NRG3: variants seen among roughly 807,000 people sequenced by gnomAD.
The protein encoded by NRG3 is neuregulin 3.
A neutral mutation model predicts 66.9 loss-of-function variants in NRG3; 31 were observed. That is an observed-to-expected ratio of 0.46 (90% CI 0.35 to 0.63). The LOEUF is 0.63. Among genes scored for constraint, NRG3 ranks in the 20% least tolerant of loss-of-function variants. The pLI, the probability that NRG3 is intolerant of heterozygous loss-of-function variation, is 0.00. For missense variants in NRG3, 910 were observed against 878.9 expected, an observed-to-expected ratio of 1.04 and a Z score of -0.45; for synonymous variants, 393 against 359.4, an observed-to-expected ratio of 1.09 and a Z score of -1.06.
At chr10:82,096,774 G>A (rs543673314) in intron 1 of NRG3, among the ~76,000 whole-genome samples, 2 of 152,210 alleles carry the variant, frequency 1.3e-5, no homozygotes, top group African/African-American at 4.8e-5. Context: ...GAGAAAAGAT[G>A]ATAGTTTTTC....
rs1351683889 is a variant in NRG3, at chr10:81,875,776, G to A, written c.436G>A (p.Ala146Thr). Residue 146 changes from alanine to threonine, a missense_variant, in exon 1 of 9, where the codon GCC becomes ACC. Physicochemically the swap from Ala to Thr is moderately conservative, Grantham distance 58. Coordinates refer to ENST00000372141, the MANE Select transcript of NRG3 (RefSeq NM_001010848.4). The surrounding 1 kb of genome is among the most constrained non-coding windows in gnomAD (Gnocchi z 5.3). ...CGCCACCCCCTCCGCCGGGGGTGCC[G>A]CCTCCTCCAGGACGCCCAACCGGAT... ...SPATPSAGGA[A>T]SSRTPNRIST... 6 of 1,611,016 alleles carry A rather than the reference G, an allele frequency of 3.7e-6. No homozygotes were observed.
chr10:82,754,592 C>T (rs886604881), intron 3 of NRG3, among the ~76,000 whole-genome samples: 2 of 150,008 alleles, frequency 1.3e-5, no homozygotes, highest in African/African-American at 2.4e-5. Flanking sequence ...GGCAACCCAA[C>T]TAACTCTCTT....
chr10:81,984,938 T>C (rs917666678), intron 1 of NRG3, among the ~76,000 whole-genome samples: 14 of 152,304 alleles, frequency 9.2e-5, no homozygotes, highest in East Asian at 5.8e-4. Flanking sequence ...TTTCAAAATA[T>C]GTTTTTCATA....
chr10:82,451,373 C>T (rs1402945846), intron 2 of NRG3, among the ~76,000 whole-genome samples: 1 of 152,066 alleles, frequency 6.6e-6, no homozygotes, highest in Non-Finnish European at 1.5e-5. Flanking sequence ...GCCTCCAGTA[C>T]AATTGATTTG....
intron 1 of NRG3, among the ~76,000 whole-genome samples, chr10:82,117,638 C>G (rs532491238): frequency 6.6e-6 from 1 of 152,048 alleles, no homozygotes; most frequent in Middle Eastern, 3.4e-3. Flanking sequence ...GAGACCCCAC[C>G]CTTTTTACCT....
chr10:82,209,389 A>G (rs2075287524), intron 1 of NRG3, among the ~76,000 whole-genome samples: 1 of 152,222 alleles, frequency 6.6e-6, no homozygotes, highest in African/African-American at 2.4e-5. Flanking sequence ...ATTTAAAGAG[A>G]CATATCTTGT....
chr10:82,284,458 G>T (rs1370935310), intron 1 of NRG3, among the ~76,000 whole-genome samples: 1 of 152,180 alleles, frequency 6.6e-6, no homozygotes, highest in Non-Finnish European at 1.5e-5. Flanking sequence ...TGGACTATCT[G>T]TCTATTTTTC....
chr10:82,739,044 T>C (rs1278865890), intron 3 of NRG3, among the ~76,000 whole-genome samples: 2 of 152,238 alleles, frequency 1.3e-5, no homozygotes, highest in African/African-American at 4.8e-5. Context: ...TGGTTGTTAA[T>C]TTATGATAGT....
chr10:82,037,641 A>C (rs1188585413), intron 1 of NRG3, among the ~76,000 whole-genome samples: 1 of 152,092 alleles, frequency 6.6e-6, no homozygotes, highest in Non-Finnish European at 1.5e-5. Context: ...GAATGAGCAC[A>C]GTACTAGAAG....
intron 1 of NRG3, among the ~76,000 whole-genome samples, chr10:82,271,699 G>A (rs1414753): frequency 0.27 from 40,914 of 151,888 alleles, 5,638 homozygotes; most frequent in Admixed American, 0.29. Context: ...TGCTGTGAAG[G>A]TAGAGTTTTG....
intron 4 of NRG3, among the ~76,000 whole-genome samples, chr10:82,910,781 T>G (rs1362754443): frequency 6.6e-6 from 1 of 152,228 alleles, no homozygotes; most frequent in Non-Finnish European, 1.5e-5. Flanking sequence ...TAAAAACACT[T>G]TATTGAGCAG....
chr10:82,628,667 C>A (rs2049595887), intron 2 of NRG3, among the ~76,000 whole-genome samples: 1 of 151,792 alleles, frequency 6.6e-6, no homozygotes, highest in Non-Finnish European at 1.5e-5. Context: ...TTGTTGAATT[C>A]CAGGCACACT....
At chr10:82,573,406 T>C (rs543227751) in intron 2 of NRG3, among the ~76,000 whole-genome samples, 5 of 151,982 alleles carry the variant, frequency 3.3e-5, no homozygotes, top group South Asian at 2.1e-4. Context: ...ATATCAAATT[T>C]GCAGAAGAGA....
intron 2 of NRG3, among the ~76,000 whole-genome samples, chr10:82,579,924 A>ACAGT (rs2046257036): frequency 6.6e-6 from 1 of 151,984 alleles, no homozygotes; most frequent in Non-Finnish European, 1.5e-5. Context: ...GAATATCAAT[A>ACAGT]CAGTCACTCC....
At chr10:82,195,067 A>G (rs1160461765) in intron 1 of NRG3, among the ~76,000 whole-genome samples, 2 of 151,992 alleles carry the variant, frequency 1.3e-5, no homozygotes, top group African/African-American at 4.8e-5. Context: ...TCCTAGATGT[A>G]GGTGGAGCAA....
At chr10:82,489,022 G>C (rs890867843) in intron 2 of NRG3, among the ~76,000 whole-genome samples, 5 of 151,998 alleles carry the variant, frequency 3.3e-5, no homozygotes, top group Non-Finnish European at 5.9e-5. Context: ...TGCATACCAG[G>C]TGCTCTGCTA....
intron 2 of NRG3, among the ~76,000 whole-genome samples, chr10:82,656,962 C>T (rs989868786): frequency 1.3e-5 from 2 of 152,090 alleles, no homozygotes; most frequent in Non-Finnish European, 2.9e-5. Flanking sequence ...CCCCTCATCA[C>T]GCTGGCCTCC....
At chr10:81,918,482 A>T (rs1162980099) in intron 1 of NRG3, among the ~76,000 whole-genome samples, 1 of 152,200 alleles carries the variant, frequency 6.6e-6, no homozygotes, top group Non-Finnish European at 1.5e-5. Flanking sequence ...TACAAAAGAA[A>T]TACAAGGCCA....
intron 1 of NRG3, among the ~76,000 whole-genome samples, chr10:82,316,178 C>CT (rs2081286185): frequency 6.6e-6 from 1 of 152,058 alleles, no homozygotes; most frequent in Non-Finnish European, 1.5e-5. Context: ...TGCATTTTTA[C>CT]TTTGAAGAAG....
Sources: gnomAD v4.1 joint callset for allele counts (sites outside exome capture counted in the v4.1 genomes callset) on GRCh38, gnomAD v4.1.1 for gene constraint, Gnocchi (gnomAD v3.1) non-coding constraint, MANE v1.5 for transcripts, NCBI Gene and HGNC (gene_info 2026-07-23, HGNC 2026-07-21) for gene names.